The following GET4 variants were observed in gnomAD, a reference collection of about 807,000 sequenced individuals.
GET4 encodes Golgi to ER traffic protein 4 homolog.
In GET4, 20 loss-of-function variants were observed where a neutral mutation model predicts 40.0. The observed-to-expected ratio is 0.50, with a 90% CI of 0.35 to 0.73. The LOEUF (loss-of-function observed/expected upper bound fraction) is 0.73. GET4 is among the 30% of genes least tolerant of loss of function. GET4 has a pLI of 0.01. For missense variants in GET4, 557 were observed against 454.0 expected (o/e 1.23, Z -2.06); for synonymous variants, 280 against 194.6 (o/e 1.44, Z -3.65).
In GET4 at chr7:895,437, G is replaced by A. The variant is rs199997935; in HGVS notation, c.*15G>A. 115 of 1,409,428 alleles carry A rather than the reference G, an allele frequency of 8.2e-5. No individual in the cohort carries two copies. The highest frequency in any genetic ancestry group is 3.6e-4 in the Middle Eastern group (2 of 5,612). The allele number at this position is 1,409,428 out of a possible 1,614,324, so 87.3% of individuals were successfully genotyped here. On this transcript the variant is annotated 3_prime_UTR_variant, in exon 9 of 9. Transcript: ENST00000265857. The stretch of plus-strand genomic sequence containing the variant: ...AGCTGGACTGAACTGGCCAGGCCAC[G>A]TGGAGACACCACGGTCGACGACGGC...
At chr7:884,389 G>A (rs1406355248) in intron 1 of GET4, 1 of 1,293,774 alleles carries the variant, frequency 7.7e-7, no homozygotes, top group South Asian at 1.2e-5. Context: ...CTGCTGTGGT[G>A]TTGGGGTGGG....
intron 1 of GET4, chr7:878,103 G>C: frequency 6.1e-6 from 2 of 329,584 alleles, no homozygotes; most frequent in Non-Finnish European, 1.3e-5. Context: ...CTGCCGAACC[G>C]AGTCAGCCGC....
chr7:878,510 G>A (rs1233220926), intron 1 of GET4, among the ~76,000 whole-genome samples: 2 of 152,076 alleles, frequency 1.3e-5, no homozygotes, highest in Admixed American at 1.3e-4. Flanking sequence ...TGTATTTAAG[G>A]GCAGTTGGTC....
chr7:887,666 C>A, intron 4 of GET4, 147 bp downstream of exon 4: 1 of 563,286 alleles, frequency 1.8e-6, no homozygotes, highest in Non-Finnish European at 2.7e-6. Context: ...GAGACCCATG[C>A]GCCATGCTAA....
chr7:891,144 C>T, intron 5 of GET4, 78 bp downstream of exon 5: 1 of 1,182,390 alleles, frequency 8.5e-7, no homozygotes, highest in Non-Finnish European at 1.2e-6. Context: ...TCCCCTTGTC[C>T]CCTGTCCGAG....
chr7:876,707 G>C lies in GET4; in HGVS notation c.62G>C (p.Gly21Ala), dbSNP rs1384153384. Reference sequence around the variant, plus strand: ...GCCCGGAACGGCGGCCGCAACCGCGGCGGCGTCCAGCGTGTGGAGGGCAAG... The same window carrying C: ...GCCCGGAACGGCGGCCGCAACCGCGCCGGCGTCCAGCGTGTGGAGGGCAAG... ...ESARNGGRNR[G>A]GVQRVEGKLR... The change falls in exon 1 of 9, where the codon GGC (glycine) becomes GCC (alanine). Residue 21 changes from glycine to alanine, a missense_variant. Physicochemically the swap from Gly to Ala is moderately conservative, Grantham distance 60. Coordinates refer to ENST00000265857, the MANE Select transcript of GET4 (RefSeq NM_015949.3). 1 of 1,362,920 alleles carries C rather than the reference G, an allele frequency of 7.3e-7. No individual in the cohort carries two copies. The allele number at this position is 1,362,920 out of a possible 1,614,324, so 84.4% of individuals were successfully genotyped here.
intron 1 of GET4, chr7:883,603 A>C: frequency 1.0e-6 from 1 of 985,470 alleles, no homozygotes; most frequent in Non-Finnish European, 1.2e-6. Context: ...AGCAGGCAGA[A>C]GCCATTTCCC....
intron 1 of GET4, chr7:883,409 T>C: frequency 3.0e-6 from 2 of 662,036 alleles, no homozygotes; most frequent in Non-Finnish European, 3.7e-6. Flanking sequence ...TCGGTCTTTC[T>C]TCATTTGACA....
rs1843946305 is a variant in GET4, at chr7:876,665, T to C, written c.20T>C (p.Met7Thr). The change falls in exon 1 of 9, where the codon ATG becomes ACG. Residue 7 changes from methionine (M) to threonine (T), a missense_variant. Coordinates refer to ENST00000265857, the MANE Select transcript of GET4 (RefSeq NM_015949.3). The stretch of plus-strand genomic sequence containing the variant: ...GGCCCGATGGCGGCGGCGGCGGCGA[T>C]GGCCGAGCAGGAGAGCGCCCGGAAC... MAAAAA[M>T]AEQESARNGG... The C allele has an allele frequency of 1.5e-6, 2 of 1,296,954 alleles. No homozygotes were observed. Among genetic ancestry groups the C allele is most frequent in the Non-Finnish European group, 2.0e-6 (2 of 1,014,418 alleles). The allele number at this position is 1,296,954 out of a possible 1,614,324, so 80.3% of individuals were successfully genotyped here.
chr7:894,704 A>T (rs1844432789), intron 8 of GET4, among the ~76,000 whole-genome samples: 1 of 152,184 alleles, frequency 6.6e-6, no homozygotes, highest in Non-Finnish European at 1.5e-5. Context: ...GTGTCCTGAG[A>T]TGGGGTGACG....
intron 1 of GET4, 124 bp downstream of exon 1, chr7:876,924 C>T (rs899038172): frequency 1.6e-5 from 6 of 381,772 alleles, no homozygotes; most frequent in African/African-American, 1.3e-4. Flanking sequence ...GAGCTGGACC[C>T]AGGGGCCGCG....
chr7:886,325 G>A (rs1020756779), intron 2 of GET4, 191 bp downstream of exon 2: 11 of 608,638 alleles, frequency 1.8e-5, no homozygotes, highest in East Asian at 1.1e-4. Context: ...GGGGCTCTGC[G>A]CTGCGTTTGT....
chr7:883,613 C>T, intron 1 of GET4: 1 of 985,504 alleles, frequency 1.0e-6, no homozygotes, highest in Non-Finnish European at 1.2e-6. Flanking sequence ...AGCCATTTCC[C>T]TATCTGGAAG....
chr7:891,138 C>A, intron 5 of GET4, 72 bp downstream of exon 5: 2 of 1,250,442 alleles, frequency 1.6e-6, no homozygotes, highest in Non-Finnish European at 2.2e-6. Flanking sequence ...AACAGGTCCC[C>A]TTGTCCCCTG....
At chr7:891,225 T>C (rs1302709257) in intron 5 of GET4, among the ~76,000 whole-genome samples, 159 bp downstream of exon 5, 1 of 152,190 alleles carries the variant, frequency 6.6e-6, no homozygotes, top group Non-Finnish European at 1.5e-5. Context: ...GACCCATGAT[T>C]TTTCATAAGT....
chr7:884,069 A>G, intron 1 of GET4: 1 of 1,184,728 alleles, frequency 8.4e-7, no homozygotes, highest in Non-Finnish European at 1.1e-6. Context: ...AATATGGGTC[A>G]CTGCCTTCCA....
chr7:887,411 C>T lies in GET4; in HGVS notation c.358C>T (p.Pro120Ser). Residue 120 changes from proline to serine, a missense_variant, in exon 4 of 9, where the codon CCT becomes TCT. By Grantham distance (74) the Pro-to-Ser change is moderately conservative. Coordinates refer to ENST00000265857, the MANE Select transcript of GET4 (RefSeq NM_015949.3). ...GTTCAGCCTGATGGACCCCAACTCT[C>T]CTGAGCGCGTGACCTTTGTGTCCAG... The part of the protein sequence containing the change: ...KVFSLMDPNS[P>S]ERVTFVSRAL... The T allele has an allele frequency of 1.2e-6, 2 of 1,603,368 alleles. No individual in the cohort carries two copies. Among genetic ancestry groups the T allele is most frequent in the Non-Finnish European group, 1.7e-6 (2 of 1,173,590 alleles).
At chr7:884,191 TC>T (rs777344328) in intron 1 of GET4, 1 of 1,301,440 alleles carries the variant, frequency 7.7e-7, no homozygotes, top group South Asian at 1.2e-5. Flanking sequence ...TGGTGCTTGC[TC>T]AGGGTCGGTG....
intron 8 of GET4, among the ~76,000 whole-genome samples, chr7:894,375 T>C (rs1844420222): frequency 6.6e-6 from 1 of 152,146 alleles, no homozygotes; most frequent in Non-Finnish European, 1.5e-5. Flanking sequence ...GGCGGGTGTC[T>C]CACTGTGGGT....
Sources: allele counts gnomAD v4.1 joint callset (sites outside exome capture counted in the v4.1 genomes callset), GRCh38; gene constraint gnomAD v4.1.1; transcripts MANE v1.5; gene names NCBI Gene and HGNC (gene_info 2026-07-23, HGNC 2026-07-21).